SLC2A13: variants seen among roughly 807,000 people sequenced by gnomAD.
The protein encoded by SLC2A13 is solute carrier family 2 member 13.
Under a neutral mutation model 64.4 loss-of-function variants are expected in SLC2A13, and 32 were observed. That is an observed-to-expected ratio of 0.50 (90% CI 0.37 to 0.67). The LOEUF (loss-of-function observed/expected upper bound fraction) is 0.67, where lower values mean the gene tolerates loss of function less well. SLC2A13 is among the 30% of genes least tolerant of loss of function. The pLI, the probability that SLC2A13 is intolerant of heterozygous loss-of-function variation, is 0.00. For synonymous variants in SLC2A13, 338 were observed against 327.1 expected (o/e 1.03, Z -0.36); for missense variants, 743 against 829.2 (o/e 0.90, Z 1.28).
chr12:39,757,421 A>T lies in SLC2A13; in HGVS notation c.*2605T>A, dbSNP rs1939997957. Reference sequence around the variant, plus strand: ...TGGTAGCCAAATATGCTGGGAACTTAAAAGGTGCCTAATATAAAAAAACCT... The same window carrying T: ...TGGTAGCCAAATATGCTGGGAACTTTAAAGGTGCCTAATATAAAAAAACCT... On this transcript the variant is annotated 3_prime_UTR_variant, in exon 10 of 10. Coordinates refer to ENST00000280871, the MANE Select transcript of SLC2A13 (RefSeq NM_052885.4). 6.6e-6 allele frequency: 1 copy of T among 151,826 alleles called. No individual in the cohort carries two copies. Among genetic ancestry groups the T allele is most frequent in the Non-Finnish European group, 1.5e-5 (1 of 67,718 alleles). The allele number at this position is 151,826 out of a possible 1,614,324, so 9.4% of individuals were successfully genotyped here.
At chr12:39,938,822 C>G (rs1325640598) in intron 4 of SLC2A13, among the ~76,000 whole-genome samples, 1 of 151,950 alleles carries the variant, frequency 6.6e-6, no homozygotes, top group African/African-American at 2.4e-5. Context: ...TCATGCCTTG[C>G]CCCATATGCT....
At chr12:39,782,746 C>T (rs1483834571) in intron 7 of SLC2A13, among the ~76,000 whole-genome samples, 1 of 152,090 alleles carries the variant, frequency 6.6e-6, no homozygotes, top group Admixed American at 6.5e-5. Context: ...ATCCTAAAGA[C>T]ATGTTGAATG....
chr12:39,966,190 A>G (rs956104380), intron 3 of SLC2A13, among the ~76,000 whole-genome samples: 1 of 151,834 alleles, frequency 6.6e-6, no homozygotes, highest in African/African-American at 2.4e-5. Context: ...AGAAGTATGT[A>G]TATGTATAAA....
chr12:39,762,049 G>A (rs1325824963), intron 9 of SLC2A13, among the ~76,000 whole-genome samples: 1 of 152,018 alleles, frequency 6.6e-6, no homozygotes, highest in Non-Finnish European at 1.5e-5. Context: ...ATAATATCAA[G>A]GAATTGCTAT....
intron 6 of SLC2A13, chr12:39,835,566 C>T (rs1252709309): frequency 6.6e-6 from 1 of 152,164 alleles, no homozygotes; most frequent in African/African-American, 2.4e-5. Context: ...AAATTTCAGG[C>T]TAATCCACAT....
At chr12:39,973,007 C>T (rs1946693194) in intron 3 of SLC2A13, among the ~76,000 whole-genome samples, 1 of 152,084 alleles carries the variant, frequency 6.6e-6, no homozygotes, top group Admixed American at 6.5e-5. Context: ...GTGGAGTCTG[C>T]AGTGAGCCGA....
chr12:39,964,463 C>T (rs1946470752), intron 3 of SLC2A13, among the ~76,000 whole-genome samples: 1 of 152,082 alleles, frequency 6.6e-6, no homozygotes, highest in African/African-American at 2.4e-5. Context: ...TATAAAGGTG[C>T]CATTCCTAAA....
At chr12:39,840,768 C>A (rs893552073) in intron 6 of SLC2A13, among the ~76,000 whole-genome samples, 1 of 152,044 alleles carries the variant, frequency 6.6e-6, no homozygotes, top group African/African-American at 2.4e-5. Flanking sequence ...GCTGTGTTTG[C>A]TTTCCCTTAC....
At chr12:39,854,470 C>T (rs1209618314) in intron 6 of SLC2A13, among the ~76,000 whole-genome samples, 1 of 152,168 alleles carries the variant, frequency 6.6e-6, no homozygotes, top group Non-Finnish European at 1.5e-5. Context: ...GAACTGCCTG[C>T]CCAAACGCCT....
chr12:40,104,919 G>C (rs1939255042), intron 1 of SLC2A13, among the ~76,000 whole-genome samples: 1 of 152,196 alleles, frequency 6.6e-6, no homozygotes, highest in Non-Finnish European at 1.5e-5. Flanking sequence ...ATCAGGTTAG[G>C]CTGGATCAAG....
At chr12:40,095,838 A>G (rs549723396) in intron 1 of SLC2A13, among the ~76,000 whole-genome samples, 1 of 152,378 alleles carries the variant, frequency 6.6e-6, no homozygotes, top group East Asian at 1.9e-4. Flanking sequence ...AATATTCTCT[A>G]TAGAAAATTA....
chr12:40,009,554 C>T (rs569742105), intron 3 of SLC2A13, among the ~76,000 whole-genome samples: 15 of 152,212 alleles, frequency 9.9e-5, no homozygotes, highest in Admixed American at 5.2e-4. Context: ...TTCAGCCACC[C>T]GAGTATCTGG....
At chr12:40,091,489 T>C (rs896441637) in intron 1 of SLC2A13, among the ~76,000 whole-genome samples, 1 of 152,236 alleles carries the variant, frequency 6.6e-6, no homozygotes, top group Non-Finnish European at 1.5e-5. Context: ...AGCCTGTACT[T>C]CAATTAAAGT....
At chr12:39,948,316 A>G (rs1946173762) in intron 4 of SLC2A13, among the ~76,000 whole-genome samples, 1 of 152,162 alleles carries the variant, frequency 6.6e-6, no homozygotes, top group South Asian at 2.1e-4. Flanking sequence ...ATAAAGAAAC[A>G]TAAGTTATCA....
intron 1 of SLC2A13, among the ~76,000 whole-genome samples, chr12:40,089,064 C>A (rs1938679647): frequency 6.6e-6 from 1 of 152,222 alleles, no homozygotes; most frequent in East Asian, 1.9e-4. Flanking sequence ...CTCAAGAACA[C>A]TAAATAATTG....
At chr12:40,098,457 C>T (rs1939037135) in intron 1 of SLC2A13, among the ~76,000 whole-genome samples, 1 of 152,124 alleles carries the variant, frequency 6.6e-6, no homozygotes, top group South Asian at 2.1e-4. Flanking sequence ...AACTGTACAC[C>T]TTAAAATGGG....
chr12:40,031,089 C>T (rs1417757416), intron 2 of SLC2A13, among the ~76,000 whole-genome samples: 2 of 152,134 alleles, frequency 1.3e-5, no homozygotes, highest in African/African-American at 2.4e-5. Context: ...GAATAATTTT[C>T]ATGGCTTTGA....
chr12:39,810,342 GAAATA>G (rs1187736338), intron 7 of SLC2A13, among the ~76,000 whole-genome samples: 3 of 152,186 alleles, frequency 2.0e-5, no homozygotes, highest in Admixed American at 6.5e-5. Flanking sequence ...GTTAGTAATA[GAAATA>G]AAATATATTT....
chr12:39,874,705 T>C (rs1944139473), intron 4 of SLC2A13, among the ~76,000 whole-genome samples: 2 of 151,826 alleles, frequency 1.3e-5, no homozygotes, highest in African/African-American at 4.8e-5. Context: ...GACTTGAATG[T>C]AATGCTCTAT....
Sources: gnomAD v4.1 joint callset for allele counts (sites outside exome capture counted in the v4.1 genomes callset) on GRCh38, gnomAD v4.1.1 for gene constraint, MANE v1.5 for transcripts, NCBI Gene and HGNC (gene_info 2026-07-23, HGNC 2026-07-21) for gene names.